TXLNB: variants seen among roughly 807,000 people sequenced by gnomAD.
TXLNB encodes the protein taxilin beta.
TXLNB carries 37 observed loss-of-function variants against 57.4 expected under a neutral mutation model. The observed-to-expected ratio is 0.64, with a 90% CI of 0.50 to 0.85. The LOEUF (loss-of-function observed/expected upper bound fraction) is 0.85, where lower values mean the gene tolerates loss of function less well. Ranked by LOEUF, TXLNB falls within the 40% of genes least tolerant of loss-of-function variation. TXLNB has a pLI of 0.00. For missense variants in TXLNB, 848 were observed against 825.6 expected, an observed-to-expected ratio of 1.03 and a Z score of -0.33; for synonymous variants, 302 against 309.6, an observed-to-expected ratio of 0.98 and a Z score of 0.26.
chr6:139,168,790 G>C, the TXLNB span, among the ~76,000 whole-genome samples: 9 of 152,138 alleles, frequency 5.9e-5, no homozygotes, highest in African/African-American at 1.9e-4. Flanking sequence ...GACTTTCAAC[G>C]TCTGAGAATA....
Position 139,242,811 on chromosome 6 carries a change from G to T in TXLNB, c.1770C>A (p.Cys590Ter), listed in dbSNP as rs755141599. Residue 590 changes from cysteine to a stop codon, truncating the protein, a stop_gained, in exon 10 of 10, where the codon TGC (cysteine) becomes TGA (stop). Transcript: ENST00000358430. LOFTEE classifies it low-confidence loss of function (END_TRUNC). Reference sequence around the variant, plus strand: ...CCTGTGCTCCAACAGGGAGACCCTCGCATTGGGTTTCTGCTCCCAACCCGG... The same window carrying T: ...CCTGTGCTCCAACAGGGAGACCCTCTCATTGGGTTTCTGCTCCCAACCCGG... Reference protein sequence around the residue: ...SPAGLGAETQCEGLPVGAQAD... With the variant: ...SPAGLGAETQ 1 of 1,614,110 alleles carries T rather than the reference G, an allele frequency of 6.2e-7. No individual in the cohort carries two copies.
At chr6:139,185,798 T>A in the TXLNB span, among the ~76,000 whole-genome samples, 3 of 152,206 alleles carry the variant, frequency 2.0e-5, no homozygotes, top group Admixed American at 6.5e-5. Context: ...CTTCACTTTT[T>A]TTCTAGTCCT....
chr6:139,232,691 T>C, the TXLNB span, among the ~76,000 whole-genome samples: 9 of 152,220 alleles, frequency 5.9e-5, no homozygotes, highest in Non-Finnish European at 1.3e-4. Flanking sequence ...ACAAAACCAC[T>C]AACTGTCTCA....
the TXLNB span, among the ~76,000 whole-genome samples, chr6:139,204,169 G>A: frequency 6.6e-6 from 1 of 152,016 alleles, no homozygotes; most frequent in East Asian, 1.9e-4. Flanking sequence ...TCCTGCCTCT[G>A]CCTCCCAAGT....
the TXLNB span, chr6:139,178,619 G>C: frequency 2.0e-5 from 3 of 151,472 alleles, no homozygotes; most frequent in South Asian, 6.2e-4. Context: ...TTGTCACCCA[G>C]GCTGGAGTGC....
At chr6:139,173,511 C>T in the TXLNB span, among the ~76,000 whole-genome samples, 2 of 152,168 alleles carry the variant, frequency 1.3e-5, no homozygotes, top group African/African-American at 2.4e-5. Context: ...TGACTGATGG[C>T]AGTGAGCAGC....
At chr6:139,195,761 A>T in the TXLNB span, among the ~76,000 whole-genome samples, 1 of 152,188 alleles carries the variant, frequency 6.6e-6, no homozygotes, top group Admixed American at 6.5e-5. Flanking sequence ...AAAATACTGG[A>T]TATTAAAAGC....
intron 6 of TXLNB, among the ~76,000 whole-genome samples, chr6:139,257,451 A>G (rs1207881081): frequency 6.6e-6 from 1 of 152,216 alleles, no homozygotes; most frequent in Admixed American, 6.5e-5. Context: ...CACAAAAGCA[A>G]GTGCAATTGG....
At chr6:139,308,118 A>G in the TXLNB span, among the ~76,000 whole-genome samples, 1 of 152,144 alleles carries the variant, frequency 6.6e-6, no homozygotes, top group African/African-American at 2.4e-5. Flanking sequence ...AGCTAAATGG[A>G]CACCTACCTA....
At chr6:139,196,323 A>G in the TXLNB span, among the ~76,000 whole-genome samples, 81,821 of 147,760 alleles carry the variant, frequency 0.55, 23,580 homozygotes, top group Non-Finnish European at 0.59. Flanking sequence ...TACTATTTTT[A>G]TAATAATAAA....
the TXLNB span, among the ~76,000 whole-genome samples, chr6:139,213,559 T>A: frequency 6.6e-6 from 1 of 151,868 alleles, no homozygotes; most frequent in South Asian, 2.1e-4. Context: ...AACATCACAA[T>A]TAAAAGAACT....
rs189819241 is a variant in TXLNB at position 139,290,244 on chromosome 6, G to A, written c.-14-1331C>T. Among the ~76,000 whole-genome samples, 45 of 152,252 alleles carry A rather than the reference G, an allele frequency of 3.0e-4. 1 individual carries two copies. Among genetic ancestry groups the A allele is most frequent in the Admixed American group, 2.2e-3 (33 of 15,294 alleles). On this transcript the variant is annotated intron_variant, in intron 1 of 9. Transcript: ENST00000358430. Reference sequence around the variant, plus strand: ...AAAATACAAAAATTAGCCAGGTGTGGTGGCGGGCACCGGTAGTCCCAGCTA... The same window carrying A: ...AAAATACAAAAATTAGCCAGGTGTGATGGCGGGCACCGGTAGTCCCAGCTA...
At chr6:139,185,552 T>G in the TXLNB span, among the ~76,000 whole-genome samples, 3 of 151,938 alleles carry the variant, frequency 2.0e-5, no homozygotes, top group East Asian at 3.9e-4. Flanking sequence ...ATGTGAAAAA[T>G]TAGCCGGACG....
At chr6:139,272,061 C>A (rs1583016911) in intron 3 of TXLNB, among the ~76,000 whole-genome samples, 1 of 152,252 alleles carries the variant, frequency 6.6e-6, no homozygotes, top group East Asian at 1.9e-4. Flanking sequence ...GTAATCCCTG[C>A]ACTTTTGGAT....
chr6:139,260,503 A>G, intron 5 of TXLNB, 66 bp from the exon 6 acceptor site: 1 of 1,526,472 alleles, frequency 6.6e-7, no homozygotes, highest in Non-Finnish European at 9.0e-7. Context: ...GCAAAGTAAA[A>G]TAATTCACAT....
the TXLNB span, among the ~76,000 whole-genome samples, chr6:139,220,576 G>C: frequency 6.6e-6 from 1 of 152,212 alleles, no homozygotes; most frequent in African/African-American, 2.4e-5. Flanking sequence ...TCATATCTGC[G>C]TCTGACAAAT....
At chr6:139,222,081 T>C in the TXLNB span, among the ~76,000 whole-genome samples, 2 of 152,000 alleles carry the variant, frequency 1.3e-5, no homozygotes, top group Non-Finnish European at 2.9e-5. Flanking sequence ...ATGGCACAAG[T>C]ATAAAATAAA....
At chr6:139,175,733 C>T in the TXLNB span, among the ~76,000 whole-genome samples, 3 of 152,136 alleles carry the variant, frequency 2.0e-5, no homozygotes, top group African/African-American at 7.2e-5. Context: ...CCGTGTGACT[C>T]CTGTTCTGGT....
the TXLNB span, among the ~76,000 whole-genome samples, chr6:139,221,804 A>T: frequency 6.6e-6 from 1 of 152,196 alleles, no homozygotes; most frequent in South Asian, 2.1e-4. Flanking sequence ...CATAAACTGG[A>T]TGATGAATCA....
Sources: gnomAD v4.1 joint callset for allele counts (sites outside exome capture counted in the v4.1 genomes callset) on GRCh38, gnomAD v4.1.1 for gene constraint, MANE v1.5 for transcripts, NCBI Gene and HGNC (gene_info 2026-07-23, HGNC 2026-07-21) for gene names.